The following RIMBP2 variants were observed in gnomAD, a reference collection of about 807,000 sequenced individuals.
RIMBP2 encodes RIMS binding protein 2, also known as RIMS-binding protein 2.
Under a neutral mutation model 118.6 loss-of-function variants are expected in RIMBP2, and 48 were observed. That is an observed-to-expected ratio of 0.40 (90% CI 0.32 to 0.51). RIMBP2 has a LOEUF of 0.51. Among genes scored for constraint, RIMBP2 ranks in the 20% least tolerant of loss-of-function variants. The pLI is 0.41. For missense variants in RIMBP2, 1,551 were observed against 1,768.3 expected (o/e 0.88, Z 2.20); for synonymous variants, 762 against 742.9 (o/e 1.03, Z -0.42).
chr12:130,409,283 C>T (rs2075472861), intron 19 of RIMBP2, among the ~76,000 whole-genome samples: 1 of 151,126 alleles, frequency 6.6e-6, no homozygotes, highest in Admixed American at 6.6e-5. Flanking sequence ...CTGTCCCAGA[C>T]CTTGACCCTT....
At chr12:130,412,516 A>G in intron 19 of RIMBP2, 103 bp downstream of exon 19, 2 of 1,073,118 alleles carry the variant, frequency 1.9e-6, no homozygotes, top group Non-Finnish European at 1.4e-6. Flanking sequence ...GCATATTTAA[A>G]TGATGCAATT....
At chr12:130,521,953 G>C (rs1414967327) in intron 2 of RIMBP2, among the ~76,000 whole-genome samples, 1 of 152,174 alleles carries the variant, frequency 6.6e-6, no homozygotes, top group African/African-American at 2.4e-5. Flanking sequence ...TCATGAGACA[G>C]AGCCTACCCT....
chr12:130,532,649 G>GCGTGTGTT (rs2053570577), intron 2 of RIMBP2, among the ~76,000 whole-genome samples: 5 of 137,372 alleles, frequency 3.6e-5, no homozygotes, highest in African/African-American at 1.3e-4. Context: ...CTAATGAGAT[G>GCGTGTGTT]CATGTGTTCA....
In RIMBP2 at chr12:130,710,783, C is replaced by A. The variant is rs1272012743; in HGVS notation, c.-352+5439G>T. ...CCTACTAATGACAGACCACAAAACA[C>A]CAACAAATGAGAATATCCCAAATGG... On this transcript the variant is annotated intron_variant, in intron 1 of 22. Coordinates refer to ENST00000690449, the MANE Select transcript of RIMBP2 (RefSeq NM_001393629.1). The surrounding 1 kb of genome is among the most constrained non-coding windows in gnomAD (Gnocchi z 4.3). 6.6e-6 allele frequency among the ~76,000 whole-genome samples: 1 copy of A among 152,228 alleles called. No individual in the cohort carries two copies. Among genetic ancestry groups the A allele is most frequent in the East Asian group, 1.9e-4 (1 of 5,182 alleles).
chr12:130,646,104 T>TCACTA (rs2062889354), intron 1 of RIMBP2, among the ~76,000 whole-genome samples: 1 of 134,252 alleles, frequency 7.4e-6, no homozygotes, highest in Non-Finnish European at 1.7e-5. Context: ...TCCACCTCCC[T>TCACTA]CTCCACCTCC....
chr12:130,653,213 G>A (rs766498528), intron 1 of RIMBP2, among the ~76,000 whole-genome samples: 4 of 152,198 alleles, frequency 2.6e-5, no homozygotes, highest in Non-Finnish European at 4.4e-5. Flanking sequence ...TTCTACCTAT[G>A]AGCCTGTAAA....
In RIMBP2 at chr12:130,475,013, C is replaced by T. The variant is rs754242513; in HGVS notation, c.102+3899G>A. Among the ~76,000 whole-genome samples, 5 of 152,144 alleles carry T rather than the reference C, an allele frequency of 3.3e-5. No individual in the cohort carries two copies. In the East Asian group the frequency reaches 5.8e-4, roughly 18 times the overall value. On this transcript the variant is annotated intron_variant, in intron 5 of 22. Coordinates refer to ENST00000690449, the MANE Select transcript of RIMBP2 (RefSeq NM_001393629.1). The surrounding 1 kb of genome is among the most constrained non-coding windows in gnomAD (Gnocchi z 4.1). ...CGGTCTCCAGGAAGCACGCGTCTCC[C>T]GGGAGAGCCTGAGGTTACCAGCAGA...
intron 1 of RIMBP2, among the ~76,000 whole-genome samples, chr12:130,655,361 T>C (rs1198366056): frequency 1.3e-5 from 2 of 152,216 alleles, no homozygotes; most frequent in East Asian, 1.9e-4. Context: ...GGACCTTATT[T>C]ATCTTGCCTG....
chr12:130,696,639 T>C (rs183204811), intron 1 of RIMBP2, among the ~76,000 whole-genome samples: 237 of 152,232 alleles, frequency 1.6e-3, no homozygotes, highest in Admixed American at 3.6e-3. Context: ...ACAAATGAGG[T>C]TTAACAAAGG....
At chr12:130,490,207 T>C (rs907950380) in intron 4 of RIMBP2, among the ~76,000 whole-genome samples, 1 of 152,016 alleles carries the variant, frequency 6.6e-6, no homozygotes, top group Non-Finnish European at 1.5e-5. Flanking sequence ...ACTTGAGTTG[T>C]TGCAACTGGA....
chr12:130,480,237 C>CTG, intron 4 of RIMBP2, among the ~76,000 whole-genome samples: 1 of 150,314 alleles, frequency 6.7e-6, no homozygotes, highest in South Asian at 2.1e-4. Context: ...ACACACACAC[C>CTG]TGTGGTAACT....
intron 2 of RIMBP2, among the ~76,000 whole-genome samples, chr12:130,573,862 C>T (rs995418972): frequency 3.3e-5 from 5 of 152,144 alleles, no homozygotes; most frequent in Non-Finnish European, 7.4e-5. Flanking sequence ...CCATCCCCAG[C>T]AAGTTCCCCC....
intron 1 of RIMBP2, among the ~76,000 whole-genome samples, chr12:130,652,432 C>A (rs1040939999): frequency 6.6e-6 from 1 of 152,246 alleles, no homozygotes; most frequent in Non-Finnish European, 1.5e-5. Context: ...TCCTTAACTT[C>A]TAAATGGCTT....
chr12:130,468,716 T>A (rs2080737891), intron 6 of RIMBP2, among the ~76,000 whole-genome samples: 1 of 152,154 alleles, frequency 6.6e-6, no homozygotes, highest in Admixed American at 6.5e-5. Flanking sequence ...TGAATTCTGA[T>A]GACCAGTAAC....
intron 4 of RIMBP2, among the ~76,000 whole-genome samples, chr12:130,499,122 C>T (rs1429848408): frequency 6.6e-6 from 1 of 152,192 alleles, no homozygotes; most frequent in Non-Finnish European, 1.5e-5. Flanking sequence ...GAGCATGAAG[C>T]AGGAGGGGCT....
At chr12:130,515,082 T>C (rs913640495) in intron 3 of RIMBP2, among the ~76,000 whole-genome samples, 10 of 152,190 alleles carry the variant, frequency 6.6e-5, no homozygotes, top group African/African-American at 2.2e-4. Flanking sequence ...TTCACCGTGT[T>C]AGCCAGGATG....
At chr12:130,596,275 C>T (rs1233646543) in intron 2 of RIMBP2, among the ~76,000 whole-genome samples, 4 of 152,158 alleles carry the variant, frequency 2.6e-5, no homozygotes, top group Admixed American at 6.5e-5. Context: ...CGACAGCCTG[C>T]GTTTACTGAG....
chr12:130,399,534 C>T (rs1263261819), intron 22 of RIMBP2, 145 bp downstream of exon 22: 3 of 833,952 alleles, frequency 3.6e-6, no homozygotes, highest in Non-Finnish European at 5.5e-6. Context: ...AGGTACAACT[C>T]CCATGGCTTC....
chr12:130,705,737 CG>C (rs1433818150), intron 1 of RIMBP2, among the ~76,000 whole-genome samples: 2 of 152,254 alleles, frequency 1.3e-5, no homozygotes, highest in Non-Finnish European at 2.9e-5. Context: ...CCTGCAAAAA[CG>C]TCCCAACACA....
Sources: allele counts gnomAD v4.1 joint callset (sites outside exome capture counted in the v4.1 genomes callset), GRCh38; gene constraint gnomAD v4.1.1; non-coding constraint Gnocchi (gnomAD v3.1); transcripts MANE v1.5; gene names NCBI Gene and HGNC (gene_info 2026-07-23, HGNC 2026-07-21).